GREB1L: variants seen among roughly 807,000 people sequenced by gnomAD.
The protein encoded by GREB1L is GREB1 like retinoic acid receptor coactivator, also known as GREB1-like protein.
A neutral mutation model predicts 200.8 loss-of-function variants in GREB1L; 17 were observed. The ratio of observed to expected loss-of-function variants is 0.08; its 90% CI spans 0.06 to 0.13. GREB1L has a LOEUF of 0.13. Ranked by LOEUF, GREB1L falls within the 10% of genes least tolerant of loss-of-function variation. The pLI is 1.00. For synonymous variants in GREB1L, 789 were observed against 893.0 expected (o/e 0.88, Z 2.08); for missense variants, 1,657 against 2,367.7 (o/e 0.70, Z 6.23).
intron 15 of GREB1L, among the ~76,000 whole-genome samples, chr18:21,459,279 C>CTTTTTTTT (rs746568414): frequency 4.7e-5 from 4 of 85,918 alleles, no homozygotes; most frequent in Non-Finnish European, 6.4e-5. Flanking sequence ...TTTTTCTTTA[C>CTTTTTTTT]TTTTTTTTTT....
intron 5 of GREB1L, among the ~76,000 whole-genome samples, chr18:21,398,187 C>A (rs765145093): frequency 3.9e-5 from 6 of 152,112 alleles, no homozygotes; most frequent in Non-Finnish European, 8.8e-5. Context: ...GACCAAAGAC[C>A]ATGTGCTTTA....
intron 18 of GREB1L, among the ~76,000 whole-genome samples, chr18:21,486,057 T>C (rs1349809081): frequency 5.9e-5 from 9 of 152,200 alleles, no homozygotes; most frequent in Non-Finnish European, 1.3e-4. Context: ...GATTTGCTTA[T>C]TCAAGACCCG....
chr18:21,301,417 G>T (rs1449925407), intron 1 of GREB1L, among the ~76,000 whole-genome samples: 1 of 152,148 alleles, frequency 6.6e-6, no homozygotes, highest in Non-Finnish European at 1.5e-5. Context: ...CTTTCATGGA[G>T]CCCAGTTACC....
chr18:21,246,399 C>T (rs79088562), intron 1 of GREB1L, among the ~76,000 whole-genome samples: 3,428 of 152,252 alleles, frequency 0.023, 138 homozygotes, highest in African/African-American at 0.079. Context: ...CTGTCATTAA[C>T]AATCTATGTG....
At chr18:21,255,190 G>A (rs889257138) in intron 1 of GREB1L, among the ~76,000 whole-genome samples, 5 of 152,140 alleles carry the variant, frequency 3.3e-5, no homozygotes, top group African/African-American at 1.2e-4. Flanking sequence ...TTCTAGACAA[G>A]CCAATCAGTT....
At chr18:21,496,723 T>G in intron 21 of GREB1L, 25 bp downstream of exon 21, 7 of 1,547,984 alleles carry the variant, frequency 4.5e-6, no homozygotes, top group African/African-American at 1.4e-5. Flanking sequence ...TTCTCTTTCA[T>G]GGAGTGAGAG....
At chr18:21,273,947 GTATAATAA>G (rs2038120533) in intron 1 of GREB1L, among the ~76,000 whole-genome samples, 1 of 152,160 alleles carries the variant, frequency 6.6e-6, no homozygotes, top group Non-Finnish European at 1.5e-5. Flanking sequence ...AGATGACAAT[GTATAATAA>G]ACATTTTAGC....
chr18:21,515,739 A>C, intron 29 of GREB1L, 95 bp downstream of exon 29: 1 of 893,418 alleles, frequency 1.1e-6, no homozygotes, highest in South Asian at 1.7e-5. Flanking sequence ...GTATGTCTTC[A>C]GTTGAGAAGC....
At chr18:21,306,139 G>A (rs531323686) in intron 1 of GREB1L, among the ~76,000 whole-genome samples, 1 of 152,148 alleles carries the variant, frequency 6.6e-6, no homozygotes, top group South Asian at 2.1e-4. Context: ...CACCATGAGG[G>A]TGGGGACCTT....
intron 1 of GREB1L, among the ~76,000 whole-genome samples, chr18:21,254,537 A>G (rs1228818804): frequency 2.0e-5 from 3 of 152,084 alleles, no homozygotes; most frequent in Non-Finnish European, 4.4e-5. Context: ...ACGCTTAAAC[A>G]TTAACACCCC....
intron 1 of GREB1L, among the ~76,000 whole-genome samples, chr18:21,305,162 G>C (rs922702682): frequency 2.0e-5 from 3 of 152,018 alleles, no homozygotes; most frequent in African/African-American, 7.2e-5. Flanking sequence ...TTTTAGTAGA[G>C]ACGGGGTTTC....
At chr18:21,298,673 A>G (rs1351831761) in intron 1 of GREB1L, among the ~76,000 whole-genome samples, 3 of 152,184 alleles carry the variant, frequency 2.0e-5, no homozygotes, top group Non-Finnish European at 4.4e-5. Flanking sequence ...CAAGTTTGTA[A>G]TATTTCCAAT....
chr18:21,488,458 TG>T (rs937135931), intron 18 of GREB1L, among the ~76,000 whole-genome samples: 9 of 152,176 alleles, frequency 5.9e-5, no homozygotes, highest in African/African-American at 2.2e-4. Context: ...GACCACTTGT[TG>T]TATTTTAAGT....
At chr18:21,466,376 G>T (rs975632855) in intron 15 of GREB1L, among the ~76,000 whole-genome samples, 3 of 151,988 alleles carry the variant, frequency 2.0e-5, no homozygotes, top group Non-Finnish European at 4.4e-5. Flanking sequence ...CACCTGCAAT[G>T]TATGTGCTTC....
rs772212374 is a variant in GREB1L at position 21,485,781 on chromosome 18, TTC to T, written c.2690+34_2690+35del. The stretch of plus-strand genomic sequence containing the variant: ...AAATAGTAAATAAGGCCTTCTGCTC[TTC>T]TCTCTAGCTGTACTTGCAGATCTAA... On this transcript the variant is annotated intron_variant, in intron 18 of 32. Coordinates refer to ENST00000424526, the MANE Select transcript of GREB1L (RefSeq NM_001142966.3). The T allele has an allele frequency of 1.9e-6, 3 of 1,548,188 alleles. No homozygotes were observed. The East Asian group carries it at 7.3e-5, about 38-fold the overall frequency.
At chr18:21,398,003 A>G (rs1240408441) in intron 5 of GREB1L, among the ~76,000 whole-genome samples, 1 of 152,206 alleles carries the variant, frequency 6.6e-6, no homozygotes, top group Non-Finnish European at 1.5e-5. Flanking sequence ...CGTCTCATCT[A>G]ATGATAAACA....
intron 1 of GREB1L, among the ~76,000 whole-genome samples, chr18:21,277,799 G>T (rs2038193938): frequency 1.3e-5 from 2 of 152,172 alleles, no homozygotes; most frequent in South Asian, 4.1e-4. Context: ...TCTGTGACTT[G>T]TCTGTCTGCC....
At chr18:21,385,453 C>T (rs1248461578) in intron 4 of GREB1L, among the ~76,000 whole-genome samples, 4 of 71,958 alleles carry the variant, frequency 5.6e-5, no homozygotes, top group African/African-American at 1.9e-4. Context: ...CTGAATAATT[C>T]TGGTAGCTTC....
intron 1 of GREB1L, among the ~76,000 whole-genome samples, chr18:21,260,411 C>A (rs2144103456): frequency 6.6e-6 from 1 of 151,980 alleles, no homozygotes; most frequent in African/African-American, 2.4e-5. Context: ...AGGAAAGAGA[C>A]TGAAAGATTA....
Sources: gnomAD v4.1 joint callset for allele counts (sites outside exome capture counted in the v4.1 genomes callset) on GRCh38, gnomAD v4.1.1 for gene constraint, MANE v1.5 for transcripts, NCBI Gene and HGNC (gene_info 2026-07-23, HGNC 2026-07-21) for gene names.